ITGA6: variants seen among roughly 807,000 people sequenced by gnomAD.
ITGA6 encodes integrin subunit alpha 6, also known as integrin alpha-6.
ITGA6 carries 63 observed loss-of-function variants against 133.6 expected under a neutral mutation model. That is an observed-to-expected ratio of 0.47 (90% CI 0.38 to 0.58). The LOEUF (loss-of-function observed/expected upper bound fraction) is 0.58, where lower values mean the gene tolerates loss of function less well. Ranked by LOEUF, ITGA6 falls within the 20% of genes least tolerant of loss-of-function variation. The pLI is 0.00. For synonymous variants in ITGA6, 434 were observed against 482.0 expected, an observed-to-expected ratio of 0.90 and a Z score of 1.30; for missense variants, 1,068 against 1,309.4, an observed-to-expected ratio of 0.82 and a Z score of 2.85.
chr2:172,491,410 A>C lies in ITGA6; in HGVS notation c.2890-15A>C, dbSNP rs1016511127. On this transcript the variant is annotated splice_polypyrimidine_tract_variant and intron_variant, in intron 22 of 25. Coordinates refer to ENST00000684293, the MANE Select transcript of ITGA6 (RefSeq NM_000210.4). The surrounding 1 kb of genome is among the most constrained non-coding windows in gnomAD (Gnocchi z 4.4). ...CACTTTTCACTTCCCTAATGCATTC[A>C]CTGTCTCCAAACAGGAATATTCCAA... 5 of 1,603,096 alleles carry C rather than the reference A, an allele frequency of 3.1e-6. No individual in the cohort carries two copies. The Admixed American group carries it at 8.3e-5, about 27-fold the overall frequency.
At position 172,491,086 on chromosome 2, in the gene ITGA6, A is replaced by C. The variant is rs773655628; in HGVS notation, c.2742A>C (p.Lys914Asn). The change falls in exon 21 of 26, where the codon AAA becomes AAC. Residue 914 changes from lysine (K) to asparagine (N), a missense_variant. By Grantham distance (94) the Lys-to-Asn change is moderately conservative. Coordinates refer to ENST00000684293, the MANE Select transcript of ITGA6 (RefSeq NM_000210.4). This position sits in a 1 kb window ranked among gnomAD's most constrained non-coding sequence, Gnocchi z 4.4. ...ITEKQIDDNR[K>N]FSLFAERKYQ... ...AAAAACAGATAGATGATAACAGAAAATTTTCTTTATTTGCTGAAAGAAAAT... is the reference window on the plus strand; with the variant it reads ...AAAAACAGATAGATGATAACAGAAACTTTTCTTTATTTGCTGAAAGAAAAT... The C allele has an allele frequency of 1.3e-6, 2 of 1,588,640 alleles. No individual in the cohort carries two copies.
chr2:172,497,658 G>A (rs1687184532), intron 23 of ITGA6, among the ~76,000 whole-genome samples: 2 of 152,088 alleles, frequency 1.3e-5, no homozygotes, highest in South Asian at 4.1e-4. Context: ...GCTGGAACAG[G>A]ATGATGAATA....
intron 1 of ITGA6, 152 bp downstream of exon 1, chr2:172,428,122 C>G (rs772209335): frequency 4.6e-5 from 28 of 614,104 alleles, no homozygotes; most frequent in Non-Finnish European, 6.0e-5. Flanking sequence ...CCAGCGCGCT[C>G]GGCTCCCCGC....
At chr2:172,445,354 C>CA (rs1027666620) in intron 1 of ITGA6, among the ~76,000 whole-genome samples, 5,528 of 104,728 alleles carry the variant, frequency 0.053, 142 homozygotes, top group African/African-American at 0.09. Flanking sequence ...TTTTTTTTAA[C>CA]AAAAAAAAAA....
chr2:172,473,440 A>G (rs1686032007), intron 5 of ITGA6, among the ~76,000 whole-genome samples: 1 of 152,192 alleles, frequency 6.6e-6, no homozygotes, highest in Non-Finnish European at 1.5e-5. Context: ...TTTTGTCTGC[A>G]TGTTTGTGTC....
intron 5 of ITGA6, chr2:172,472,997 A>G: frequency 1.4e-6 from 1 of 698,296 alleles, no homozygotes; most frequent in East Asian, 2.6e-5. Context: ...TTTTGTTTCC[A>G]TTGAAGCACA....
In ITGA6 at chr2:172,485,405, T is replaced by A; in HGVS notation, c.1854+141T>A. 1.6e-5 allele frequency: 13 copies of A among 790,942 alleles called. No individual in the cohort carries two copies. In the South Asian group the frequency reaches 1.9e-4, roughly 11 times the overall value. 49.0% of individuals were successfully genotyped at this position (790,942 alleles called of 1,614,324 possible). ...TAATATGTTTTTAATGTACGCAAAG[T>A]TAGAGAAGACTTGTTTCCCAAATTA... On this transcript the variant is annotated intron_variant, in intron 13 of 25. Transcript: ENST00000684293.
Position 172,427,794 on chromosome 2 carries a change from C to T in ITGA6, c.6C>T (p.Ala2=), listed in dbSNP as rs774450070. The stretch of plus-strand genomic sequence containing the variant: ...CCCTCCCCGTGCGTCCGCCCATGGC[C>T]GCCGCCGGGCAGCTGTGCTTGCTCT... M[A]AAGQLCLLYL... Residue 2 remains alanine, a synonymous_variant, in exon 1 of 26, where the codon GCC becomes GCT. Transcript: ENST00000684293. The T allele has an allele frequency of 6.3e-6, 10 of 1,593,460 alleles. No individual in the cohort carries two copies. The Admixed American group carries it at 7.0e-5, about 11-fold the overall frequency.
intron 11 of ITGA6, 141 bp downstream of exon 11, chr2:172,480,192 C>T: frequency 1.4e-6 from 1 of 690,844 alleles, no homozygotes; most frequent in South Asian, 1.6e-5. Flanking sequence ...TATGTTTTGT[C>T]TCCCTTTTAA....
At chr2:172,492,796 G>A (rs971173122) in intron 23 of ITGA6, among the ~76,000 whole-genome samples, 1 of 152,226 alleles carries the variant, frequency 6.6e-6, no homozygotes, top group Non-Finnish European at 1.5e-5. Flanking sequence ...TTATGGAAAT[G>A]TTCTGGCTTC....
chr2:172,489,373 T>A, intron 19 of ITGA6, 112 bp from the exon 20 acceptor site: 1 of 831,848 alleles, frequency 1.2e-6, no homozygotes. Flanking sequence ...CCTGTGCTTT[T>A]ATTATAGGAT....
intron 1 of ITGA6, among the ~76,000 whole-genome samples, chr2:172,454,127 AGGCTGGAGTGCGGTG>A (rs1464900523): frequency 6.9e-6 from 1 of 145,940 alleles, no homozygotes; most frequent in African/African-American, 2.6e-5. Flanking sequence ...ACTCTTGCCC[AGGCTGGAGTGCGGTG>A]GTGCCATCTC....
intron 1 of ITGA6, among the ~76,000 whole-genome samples, chr2:172,434,538 C>T (rs75979419): frequency 0.076 from 11,565 of 152,162 alleles, 539 homozygotes; most frequent in East Asian, 0.26. Flanking sequence ...AACGTTGGAT[C>T]CCACTGTCGC....
chr2:172,461,427 T>C (rs1176805624), intron 1 of ITGA6, among the ~76,000 whole-genome samples: 2 of 152,222 alleles, frequency 1.3e-5, no homozygotes, highest in Non-Finnish European at 2.9e-5. Context: ...TTTGTTTAGT[T>C]TTTCTTGCCT....
At chr2:172,489,858 C>T (rs373111794) in intron 20 of ITGA6, 200 bp downstream of exon 20, 5 of 557,060 alleles carry the variant, frequency 9.0e-6, no homozygotes, top group African/African-American at 3.8e-5. Flanking sequence ...CATTATAGTA[C>T]ATAAGGCAGA....
intron 1 of ITGA6, among the ~76,000 whole-genome samples, chr2:172,462,506 T>C (rs556751074): frequency 9.8e-5 from 15 of 152,336 alleles, no homozygotes; most frequent in Middle Eastern, 3.4e-3. Context: ...TCTGCTGTCA[T>C]CTGCAGTAGC....
chr2:172,497,469 T>C (rs1574415623), intron 23 of ITGA6, among the ~76,000 whole-genome samples: 2 of 134,706 alleles, frequency 1.5e-5, no homozygotes, highest in East Asian at 2.2e-4. Context: ...CCACTTGCAC[T>C]CCAACCTGGG....
chr2:172,455,277 G>A (rs563568501), intron 1 of ITGA6, among the ~76,000 whole-genome samples: 1 of 152,326 alleles, frequency 6.6e-6, no homozygotes, highest in East Asian at 1.9e-4. Flanking sequence ...TCTGGTGCCT[G>A]CTTTGCTGCT....
At chr2:172,473,818 G>A (rs745971131) in intron 5 of ITGA6, among the ~76,000 whole-genome samples, 19 of 152,134 alleles carry the variant, frequency 1.2e-4, no homozygotes, top group Non-Finnish European at 2.4e-4. Context: ...ATACATAGGT[G>A]CTTTTAGTTA....
Sources: allele counts gnomAD v4.1 joint callset (sites outside exome capture counted in the v4.1 genomes callset), GRCh38; gene constraint gnomAD v4.1.1; non-coding constraint Gnocchi (gnomAD v3.1); transcripts MANE v1.5; gene names NCBI Gene and HGNC (gene_info 2026-07-23, HGNC 2026-07-21).